Variants in CNR2 observed in about 807,000 individuals in gnomAD.
The protein encoded by CNR2 is cannabinoid receptor 2, also known as cannabinoid receptor 2 (macrophage).
For synonymous variants in CNR2, 172 were observed against 182.2 expected, an observed-to-expected ratio of 0.94 and a Z score of 0.45; for missense variants, 379 against 439.9, an observed-to-expected ratio of 0.86 and a Z score of 1.24.
chr1:23,876,351 C>T (rs6667839), intron 1 of CNR2, among the ~76,000 whole-genome samples: 94,934 of 150,344 alleles, frequency 0.63, 30,318 homozygotes, highest in African/African-American at 0.75. Context: ...GGACTACAGG[C>T]ACCCACCACA....
rs1007470957 is a variant in CNR2, at chr1:23,873,916, G to A, written c.*619C>T. 1 of 152,248 alleles carries A rather than the reference G, an allele frequency of 6.6e-6. No individual in the cohort carries two copies. Among genetic ancestry groups the A allele is most frequent in the African/African-American group, 2.4e-5 (1 of 41,380 alleles). 9.4% of individuals were successfully genotyped at this position (152,248 alleles called of 1,614,324 possible). ...TCCAGGGACCTGAGGTTACAGGTGG[G>A]GATTATCAGAATATCAGAGAGGGTC... On this transcript the variant is annotated 3_prime_UTR_variant, in exon 2 of 2. Transcript: ENST00000374472.
intron 1 of CNR2, among the ~76,000 whole-genome samples, chr1:23,891,202 C>T (rs2501397): frequency 0.85 from 128,571 of 151,962 alleles, 54,501 homozygotes; most frequent in Admixed American, 0.86. Context: ...TTCTTTGTAG[C>T]CCTTGATTGC....
chr1:23,882,727 G>A (rs1640014527), intron 1 of CNR2, among the ~76,000 whole-genome samples: 1 of 151,922 alleles, frequency 6.6e-6, no homozygotes, highest in Non-Finnish European at 1.5e-5. Context: ...GGCAGAGGCA[G>A]GAGAATCGCT....
intron 1 of CNR2, among the ~76,000 whole-genome samples, chr1:23,908,878 A>G (rs553982377): frequency 1.3e-5 from 2 of 152,098 alleles, no homozygotes; most frequent in South Asian, 4.2e-4. Context: ...AGAGGAACTT[A>G]GGGGTTGCCT....
intron 1 of CNR2, among the ~76,000 whole-genome samples, chr1:23,898,059 C>T (rs1570716763): frequency 6.6e-6 from 1 of 151,506 alleles, no homozygotes; most frequent in African/African-American, 2.4e-5. Context: ...TGGAGTCTCA[C>T]TCTGTCACCC....
intron 1 of CNR2, among the ~76,000 whole-genome samples, chr1:23,891,684 A>G: frequency 6.7e-6 from 1 of 150,266 alleles, no homozygotes; most frequent in African/African-American, 2.4e-5. Flanking sequence ...AGCAAAACCC[A>G]CCTCCTCCAA....
At chr1:23,912,775 T>C (rs560314799) in intron 1 of CNR2, among the ~76,000 whole-genome samples, 9 of 152,312 alleles carry the variant, frequency 5.9e-5, no homozygotes, top group Admixed American at 5.2e-4. Flanking sequence ...CTGCGACTGG[T>C]CCTCCACAAC....
At chr1:23,884,751 G>C (rs1018587573) in intron 1 of CNR2, among the ~76,000 whole-genome samples, 1 of 152,094 alleles carries the variant, frequency 6.6e-6, no homozygotes, top group Non-Finnish European at 1.5e-5. Flanking sequence ...TATTATTTCT[G>C]GACCTTTAGT....
chr1:23,911,175 A>C, intron 1 of CNR2, among the ~76,000 whole-genome samples: 1 of 146,912 alleles, frequency 6.8e-6, no homozygotes. Flanking sequence ...GTGGGGAGAG[A>C]AGAGTGTCCA....
chr1:23,905,049 G>A (rs539379269), intron 1 of CNR2, among the ~76,000 whole-genome samples: 13 of 152,186 alleles, frequency 8.5e-5, no homozygotes, highest in Non-Finnish European at 1.2e-4. Flanking sequence ...TTTGTGAAGC[G>A]ATGTGGAGAG....
At chr1:23,875,759 G>T in intron 1 of CNR2, 97 bp from the exon 2 acceptor site, 2 of 971,962 alleles carry the variant, frequency 2.1e-6, no homozygotes, top group Non-Finnish European at 3.0e-6. Flanking sequence ...TACCTGTATG[G>T]ATGGATTCTA....
At chr1:23,910,684 GA>G (rs1345891710) in intron 1 of CNR2, among the ~76,000 whole-genome samples, 6 of 111,790 alleles carry the variant, frequency 5.4e-5, no homozygotes, top group South Asian at 5.7e-4. Flanking sequence ...AAAAAAGAAA[GA>G]AAAGAAAAGA....
intron 1 of CNR2, among the ~76,000 whole-genome samples, chr1:23,888,680 A>C (rs1640133247): frequency 6.6e-6 from 1 of 152,150 alleles, no homozygotes. Flanking sequence ...CTGATTAAAA[A>C]AGAAAAAAGG....
chr1:23,902,785 CTGCGCGGGCGCGGG>C (rs1290309803), intron 1 of CNR2: 60 of 1,459,584 alleles, frequency 4.1e-5, no homozygotes, highest in Non-Finnish European at 4.8e-5. Flanking sequence ...CAAGTGTGGG[CTGCGCGGGCGCGGG>C]CGCGGGGGCG....
intron 1 of CNR2, among the ~76,000 whole-genome samples, chr1:23,905,751 C>T (rs1012875420): frequency 2.6e-5 from 4 of 152,096 alleles, no homozygotes; most frequent in African/African-American, 9.7e-5. Context: ...CAGGGATAGG[C>T]CAGACATCTG....
At chr1:23,898,796 A>T (rs1640334117) in intron 1 of CNR2, among the ~76,000 whole-genome samples, 1 of 150,526 alleles carries the variant, frequency 6.6e-6, no homozygotes, top group African/African-American at 2.4e-5. Context: ...GGGATTACAG[A>T]TGTGCACCAC....
At chr1:23,910,617 A>C (rs1640566603) in intron 1 of CNR2, among the ~76,000 whole-genome samples, 1 of 132,426 alleles carries the variant, frequency 7.6e-6, no homozygotes, top group Admixed American at 8.6e-5. Context: ...TTACGCCATT[A>C]TACTCCAGCC....
At chr1:23,885,135 C>T (rs1022460486) in intron 1 of CNR2, among the ~76,000 whole-genome samples, 1 of 152,040 alleles carries the variant, frequency 6.6e-6, no homozygotes, top group African/African-American at 2.4e-5. Context: ...TACAGTGGCT[C>T]ACACCAGTAA....
At chr1:23,904,765 A>G (rs1426769501) in intron 1 of CNR2, among the ~76,000 whole-genome samples, 1 of 152,160 alleles carries the variant, frequency 6.6e-6, no homozygotes, top group Non-Finnish European at 1.5e-5. Context: ...CATACAAAGT[A>G]AGGCATTATA....
Sources: gnomAD v4.1 joint callset for allele counts (sites outside exome capture counted in the v4.1 genomes callset) on GRCh38, gnomAD v4.1.1 for gene constraint, MANE v1.5 for transcripts, NCBI Gene and HGNC (gene_info 2026-07-23, HGNC 2026-07-21) for gene names.